Variants in EYS observed in about 807,000 individuals in gnomAD.
EYS encodes EGF-like photoreceptor maintenance factor, also known as protein eyes shut homolog.
In EYS, 250 loss-of-function variants were observed where a neutral mutation model predicts 282.1. The observed-to-expected ratio is 0.89, with a 90% CI of 0.80 to 0.98. EYS has a LOEUF of 0.98. Ranked by LOEUF, EYS falls within the 50% of genes least tolerant of loss-of-function variation. The pLI, the probability that EYS is intolerant of heterozygous loss-of-function variation, is 0.00. For missense variants in EYS, 4,016 were observed against 3,709.0 expected (o/e 1.08, Z -2.15); for synonymous variants, 1,355 against 1,282.9 (o/e 1.06, Z -1.20).
At chr6:65,443,273 G>T (rs1054134678) in intron 5 of EYS, among the ~76,000 whole-genome samples, 1 of 106,078 alleles carries the variant, frequency 9.4e-6, no homozygotes, top group African/African-American at 2.7e-5. Context: ...CAAACATATA[G>T]ACATGTATGC....
intron 30 of EYS, among the ~76,000 whole-genome samples, chr6:64,237,060 C>G (rs1486608103): frequency 1.3e-5 from 2 of 152,046 alleles, no homozygotes; most frequent in Non-Finnish European, 2.9e-5. Flanking sequence ...GGAGTGGTTG[C>G]CACAATTTAC....
chr6:63,942,058 T>C (rs1041678812), intron 35 of EYS, among the ~76,000 whole-genome samples: 1 of 152,188 alleles, frequency 6.6e-6, no homozygotes, highest in South Asian at 2.1e-4. Context: ...GTCTACATAG[T>C]TTTTAGGAAA....
At chr6:63,742,342 T>C (rs560660672) in intron 41 of EYS, among the ~76,000 whole-genome samples, 1 of 152,312 alleles carries the variant, frequency 6.6e-6, no homozygotes, top group South Asian at 2.1e-4. Flanking sequence ...CTCTTGGCTT[T>C]AAGCTACTTT....
chr6:63,821,715 C>A (rs1366651482), intron 36 of EYS: 1 of 152,206 alleles, frequency 6.6e-6, no homozygotes, highest in African/African-American at 2.4e-5. Context: ...AATGAACCAC[C>A]TTAAGAGACA....
In EYS at chr6:63,827,868, A is replaced by G. The variant is rs868054769; in HGVS notation, c.7229-21496T>C. Among the ~76,000 whole-genome samples, 68 of 151,434 alleles carry G rather than the reference A, an allele frequency of 4.5e-4. 1 individual carries two copies. Among genetic ancestry groups the G allele is most frequent in the Middle Eastern group, 6.9e-3 (2 of 288 alleles). The stretch of plus-strand genomic sequence containing the variant: ...TCCGTCTCAAAAAAAAAAAAAAAAA[A>G]AAAGAAATTACATCAAGCACTCTCT... On this transcript the variant is annotated intron_variant, in intron 36 of 42. Transcript: ENST00000503581.
intron 12 of EYS, among the ~76,000 whole-genome samples, chr6:65,222,912 C>T (rs368741533): frequency 7.2e-5 from 11 of 152,004 alleles, no homozygotes; most frequent in East Asian, 3.9e-4. Flanking sequence ...ACAGAAAACA[C>T]GTGAAATAAG....
intron 26 of EYS, among the ~76,000 whole-genome samples, chr6:64,501,198 C>T (rs1777030359): frequency 6.6e-6 from 1 of 151,584 alleles, no homozygotes; most frequent in African/African-American, 2.4e-5. Context: ...AAAGGAATAG[C>T]ATAGGGCGTA....
chr6:64,394,231 C>T (rs1773274261), intron 28 of EYS, among the ~76,000 whole-genome samples: 1 of 152,114 alleles, frequency 6.6e-6, no homozygotes, highest in Non-Finnish European at 1.5e-5. Flanking sequence ...GATTCATTGC[C>T]ATCCCCATCA....
At chr6:65,606,264 C>A (rs911545108) in intron 2 of EYS, among the ~76,000 whole-genome samples, 2 of 151,616 alleles carry the variant, frequency 1.3e-5, no homozygotes, top group African/African-American at 2.4e-5. Flanking sequence ...TCTATACACA[C>A]AAATGTGAAA....
At chr6:63,794,356 CAGA>C (rs1337723603) in intron 37 of EYS, among the ~76,000 whole-genome samples, 1 of 152,168 alleles carries the variant, frequency 6.6e-6, no homozygotes, top group Non-Finnish European at 1.5e-5. Flanking sequence ...GGGTCGGGAA[CAGA>C]AGTAGTACAA....
intron 22 of EYS, among the ~76,000 whole-genome samples, chr6:64,682,478 T>C (rs1308563147): frequency 3.3e-5 from 5 of 152,158 alleles, no homozygotes; most frequent in Non-Finnish European, 7.4e-5. Flanking sequence ...GTTAATTGGA[T>C]GCAGGCACCA....
intron 19 of EYS, among the ~76,000 whole-genome samples, chr6:64,850,033 A>G (rs941513095): frequency 1.3e-5 from 2 of 151,946 alleles, no homozygotes; most frequent in Admixed American, 6.6e-5. Context: ...CATTCCTACA[A>G]TTTTGCTTAT....
At chr6:65,497,041 A>G (rs961316381) in intron 2 of EYS, among the ~76,000 whole-genome samples, 1 of 152,080 alleles carries the variant, frequency 6.6e-6, no homozygotes, top group Non-Finnish European at 1.5e-5. Flanking sequence ...ATAAAATACA[A>G]CTTCTACATA....
At chr6:65,126,018 A>G (rs1407322070) in intron 12 of EYS, among the ~76,000 whole-genome samples, 2 of 152,130 alleles carry the variant, frequency 1.3e-5, no homozygotes, top group African/African-American at 4.8e-5. Flanking sequence ...AGTACCTGGT[A>G]AGATTATAAA....
chr6:64,038,613 G>A lies in EYS; in HGVS notation c.6725+27725C>T, dbSNP rs1770236544. Among the ~76,000 whole-genome samples the A allele has an allele frequency of 3.3e-5, 5 of 151,500 alleles. No individual in the cohort carries two copies. The South Asian group carries it at 1.0e-3, about 32-fold the overall frequency. The stretch of plus-strand genomic sequence containing the variant: ...AATAGTTTATAAAATTATATAAAAT[G>A]TTTTATAAAATTAAGTAAAAAATAT... On this transcript the variant is annotated intron_variant, in intron 33 of 42. Transcript: ENST00000503581.
chr6:65,449,503 C>A (rs542903623), intron 5 of EYS, among the ~76,000 whole-genome samples: 2 of 152,084 alleles, frequency 1.3e-5, no homozygotes, highest in East Asian at 3.9e-4. Context: ...AAGAACAACA[C>A]TGAGATTAAG....
At chr6:63,733,536 G>T (rs1326158730) in intron 41 of EYS, among the ~76,000 whole-genome samples, 1 of 151,910 alleles carries the variant, frequency 6.6e-6, no homozygotes, top group African/African-American at 2.4e-5. Context: ...GAGAACAGGT[G>T]GTATTTGGTT....
chr6:65,418,822 T>G (rs920564016), intron 5 of EYS, among the ~76,000 whole-genome samples: 1 of 151,988 alleles, frequency 6.6e-6, no homozygotes, highest in African/African-American at 2.4e-5. Flanking sequence ...GTATCCCATT[T>G]TTTTAGAAGA....
At chr6:63,785,141 C>T (rs1012958786) in intron 39 of EYS, among the ~76,000 whole-genome samples, 1 of 152,064 alleles carries the variant, frequency 6.6e-6, no homozygotes, top group African/African-American at 2.4e-5. Context: ...GGACTGGTAG[C>T]AATAGTAAAA....
Sources: allele counts gnomAD v4.1 joint callset (sites outside exome capture counted in the v4.1 genomes callset), GRCh38; gene constraint gnomAD v4.1.1; transcripts MANE v1.5; gene names NCBI Gene and HGNC (gene_info 2026-07-23, HGNC 2026-07-21).